The following HSPBAP1 variants were observed in gnomAD, a reference collection of about 807,000 sequenced individuals.
HSPBAP1 encodes the protein HSPB1-associated protein 1.
Under a neutral mutation model 45.2 loss-of-function variants are expected in HSPBAP1, and 27 were observed. The ratio of observed to expected loss-of-function variants is 0.60; its 90% CI spans 0.44 to 0.82. The LOEUF is 0.82. HSPBAP1 is among the 40% of genes least tolerant of loss of function. The pLI is 0.00. For missense variants in HSPBAP1, 510 were observed against 590.9 expected, an observed-to-expected ratio of 0.86 and a Z score of 1.42; for synonymous variants, 204 against 202.7, an observed-to-expected ratio of 1.01 and a Z score of -0.06.
intron 6 of HSPBAP1, 39 bp downstream of exon 6, chr3:122,752,552 C>T (rs1415475264): frequency 6.9e-6 from 8 of 1,158,726 alleles, no homozygotes; most frequent in Non-Finnish European, 7.3e-6. Context: ...GCATGATTTG[C>T]ACTTACTTAA....
chr3:122,783,521 T>C (rs1156571580), intron 1 of HSPBAP1, among the ~76,000 whole-genome samples: 1 of 152,184 alleles, frequency 6.6e-6, no homozygotes, highest in Non-Finnish European at 1.5e-5. Flanking sequence ...GTAAAACAGG[T>C]TAACAGGGAA....
At chr3:122,779,922 C>A (rs1390878151) in intron 1 of HSPBAP1, among the ~76,000 whole-genome samples, 18 of 152,006 alleles carry the variant, frequency 1.2e-4, no homozygotes, top group African/African-American at 4.3e-4. Flanking sequence ...TACACAGACA[C>A]GGCAACCATC....
In HSPBAP1 at chr3:122,740,348, T is replaced by C. The variant is rs1237464338; in HGVS notation, c.1464A>G (p.Leu488=). The change falls in exon 8 of 8, where the codon TTA becomes TTG. Residue 488 remains leucine (L), a synonymous_variant. Transcript: ENST00000306103. ...TAAAAGTCATCTTCCACTTGAATCATAAACTTCTTCCTTGTATCAAAAGTT... is the reference window on the plus strand; with the variant it reads ...TAAAAGTCATCTTCCACTTGAATCACAAACTTCTTCCTTGTATCAAAAGTT... ...VAQLLIQGRS[L] 1.3e-6 allele frequency: 2 copies of C among 1,579,282 alleles called. No individual in the cohort carries two copies. The highest frequency in any genetic ancestry group is 4.5e-5 in the East Asian group (2 of 44,420).
chr3:122,746,645 T>C (rs1465551974), intron 6 of HSPBAP1, among the ~76,000 whole-genome samples: 1 of 151,292 alleles, frequency 6.6e-6, no homozygotes, highest in East Asian at 1.9e-4. Context: ...CTCTCCCCTC[T>C]CCCCTCTCCC....
At chr3:122,789,036 T>C (rs1219205035) in intron 1 of HSPBAP1, among the ~76,000 whole-genome samples, 1 of 152,230 alleles carries the variant, frequency 6.6e-6, no homozygotes, top group Non-Finnish European at 1.5e-5. Context: ...ACATTATGAA[T>C]TACATATGGA....
At chr3:122,761,135 G>T (rs1288207595) in intron 3 of HSPBAP1, among the ~76,000 whole-genome samples, 1 of 152,110 alleles carries the variant, frequency 6.6e-6, no homozygotes, top group Non-Finnish European at 1.5e-5. Context: ...TCAGTCTGAG[G>T]AATTTAACTA....
chr3:122,773,305 T>G (rs987875316), intron 2 of HSPBAP1, among the ~76,000 whole-genome samples: 1 of 18,142 alleles, frequency 5.5e-5, no homozygotes, highest in African/African-American at 1.3e-4. Context: ...ATAAATGTGT[T>G]TTTTTTTTTT....
intron 2 of HSPBAP1, among the ~76,000 whole-genome samples, chr3:122,773,136 T>C (rs1483654092): frequency 6.6e-6 from 1 of 151,890 alleles, no homozygotes; most frequent in Non-Finnish European, 1.5e-5. Flanking sequence ...TAGGTGTGAG[T>C]CACTGTGCCA....
Position 122,782,461 on chromosome 3 carries a change from T to C in HSPBAP1, c.65-4555A>G, listed in dbSNP as rs140858979. Reference sequence around the variant, plus strand: ...ATAGTAAAGATTAGTAATTTTTGAATTAAAAAACAAGCAAGTTTCTCTTTT... The same window carrying C: ...ATAGTAAAGATTAGTAATTTTTGAACTAAAAAACAAGCAAGTTTCTCTTTT... On this transcript the variant is annotated intron_variant, in intron 1 of 7. Coordinates refer to ENST00000306103, the MANE Select transcript of HSPBAP1 (RefSeq NM_024610.6). 7.6e-3 allele frequency among the ~76,000 whole-genome samples: 1,155 copies of C among 152,258 alleles called. 7 individuals are homozygous for C. The highest frequency in any genetic ancestry group is 0.01 in the Non-Finnish European group (695 of 67,996).
intron 1 of HSPBAP1, among the ~76,000 whole-genome samples, chr3:122,790,093 G>A (rs1399697834): frequency 6.6e-6 from 1 of 152,032 alleles, no homozygotes; most frequent in East Asian, 1.9e-4. Flanking sequence ...AAATTCCTGA[G>A]CTCAAGCGAT....
At chr3:122,782,463 A>ACT (rs1935517831) in intron 1 of HSPBAP1, among the ~76,000 whole-genome samples, 1 of 152,206 alleles carries the variant, frequency 6.6e-6, no homozygotes, top group African/African-American at 2.4e-5. Flanking sequence ...TTTTTGAATT[A>ACT]AAAAACAAGC....
chr3:122,771,997 A>G (rs1024487354), intron 2 of HSPBAP1, among the ~76,000 whole-genome samples: 2 of 152,214 alleles, frequency 1.3e-5, no homozygotes, highest in African/African-American at 4.8e-5. Flanking sequence ...CACACAATAT[A>G]AACACACAGA....
At chr3:122,756,780 G>A (rs1934372022) in intron 4 of HSPBAP1, among the ~76,000 whole-genome samples, 1 of 151,936 alleles carries the variant, frequency 6.6e-6, no homozygotes, top group Non-Finnish European at 1.5e-5. Context: ...AAACCATTGA[G>A]GTTCAAAAGC....
chr3:122,779,177 G>T (rs1015499140), intron 1 of HSPBAP1, among the ~76,000 whole-genome samples: 32 of 152,118 alleles, frequency 2.1e-4, no homozygotes, highest in Admixed American at 1.2e-3. Flanking sequence ...GAGTAGCTGG[G>T]ATTACAGGCA....
At chr3:122,747,066 G>A (rs1260669359) in intron 6 of HSPBAP1, among the ~76,000 whole-genome samples, 5 of 151,408 alleles carry the variant, frequency 3.3e-5, no homozygotes, top group African/African-American at 9.7e-5. Context: ...GCCTCTGCCC[G>A]GCCGCCACCC....
At position 122,757,154 on chromosome 3, in the gene HSPBAP1, C is replaced by T. The variant is rs148215581; in HGVS notation, c.570-1723G>A. ...TTAAAAAATGTAAAATGCATGAATCCTTCTATTAGAAAAGGTATTCAATCA... is the reference window on the plus strand; with the variant it reads ...TTAAAAAATGTAAAATGCATGAATCTTTCTATTAGAAAAGGTATTCAATCA... On this transcript the variant is annotated intron_variant, in intron 4 of 7. Coordinates refer to ENST00000306103, the MANE Select transcript of HSPBAP1 (RefSeq NM_024610.6). 1.3e-4 allele frequency among the ~76,000 whole-genome samples: 20 copies of T among 152,294 alleles called. 1 individual carries two copies. The East Asian group carries it at 3.9e-3, about 29-fold the overall frequency.
intron 5 of HSPBAP1, chr3:122,754,444 T>A (rs1210141610): frequency 1.5e-6 from 1 of 684,352 alleles, no homozygotes; most frequent in Non-Finnish European, 1.8e-6. Flanking sequence ...AATCTAGAGA[T>A]AGAAAAAGAT....
chr3:122,754,805 A>G, intron 5 of HSPBAP1: 3 of 986,618 alleles, frequency 3.0e-6, no homozygotes, highest in Non-Finnish European at 3.6e-6. Context: ...TTTTGCTTAA[A>G]AGCAAACATT....
Position 122,753,992 on chromosome 3 carries a change from G to C in HSPBAP1, c.741+1268C>G, listed in dbSNP as rs1000299953. ...GATAAAAAAGCAAAACAAGTGTTGG[G>C]AAAGATAAAAAGAAATTGGAACCCT... is the stretch of plus-strand genomic sequence containing the variant. On this transcript the variant is annotated intron_variant, in intron 5 of 7. Transcript: ENST00000306103. The C allele has an allele frequency of 1.1e-5, 8 of 708,964 alleles. No individual in the cohort carries two copies. The African/African-American group carries it at 1.5e-4, about 14-fold the overall frequency. 43.9% of individuals were successfully genotyped at this position (708,964 alleles called of 1,614,324 possible). A position where few individuals can be genotyped will look rare whatever the true frequency, so the allele number is the denominator to read the frequency against.
Sources: allele counts gnomAD v4.1 joint callset (sites outside exome capture counted in the v4.1 genomes callset), GRCh38; gene constraint gnomAD v4.1.1; transcripts MANE v1.5; gene names NCBI Gene and HGNC (gene_info 2026-07-23, HGNC 2026-07-21).